ARID1B: variants seen among roughly 807,000 people sequenced by gnomAD.
The protein encoded by ARID1B is AT-rich interactive domain-containing protein 1B.
Under a neutral mutation model 212.3 loss-of-function variants are expected in ARID1B, and 30 were observed. The observed-to-expected ratio is 0.14, with a 90% confidence interval of 0.11 to 0.19. The LOEUF (loss-of-function observed/expected upper bound fraction) is 0.19. ARID1B is among the 10% of genes least tolerant of loss of function. The pLI is 1.00. For synonymous variants in ARID1B, 1,402 were observed against 1,301.7 expected, an observed-to-expected ratio of 1.08 and a Z score of -1.66; for missense variants, 2,891 against 3,204.0, an observed-to-expected ratio of 0.90 and a Z score of 2.36.
chr6:156,969,309 T>C (rs1346937297), intron 4 of ARID1B, among the ~76,000 whole-genome samples: 1 of 152,158 alleles, frequency 6.6e-6, no homozygotes, highest in African/African-American at 2.4e-5. Context: ...TCAAAATCAG[T>C]CTGTTAGTCT....
intron 7 of ARID1B, among the ~76,000 whole-genome samples, chr6:157,137,467 TTGTA>T (rs1417828699): frequency 6.6e-6 from 1 of 152,146 alleles, no homozygotes; most frequent in African/African-American, 2.4e-5. Flanking sequence ...ATAAGTGAGT[TTGTA>T]TGGGAAAAAG....
intron 1 of ARID1B, among the ~76,000 whole-genome samples, chr6:156,803,897 TTGC>T (rs1780967777): frequency 2.0e-5 from 3 of 152,240 alleles, no homozygotes; most frequent in Admixed American, 1.3e-4. Flanking sequence ...ATTTACGTGG[TTGC>T]TAAGAGAGCT....
intron 4 of ARID1B, among the ~76,000 whole-genome samples, chr6:156,992,693 G>A (rs149744566): frequency 4.0e-4 from 61 of 152,288 alleles, no homozygotes; most frequent in African/African-American, 1.2e-3. Flanking sequence ...CAGAGCAGCC[G>A]TGGCCTGTTT....
At chr6:157,074,109 A>C (rs1025447742) in intron 4 of ARID1B, among the ~76,000 whole-genome samples, 8 of 152,206 alleles carry the variant, frequency 5.3e-5, no homozygotes, top group Non-Finnish European at 1.0e-4. Context: ...CAAAAAGAAA[A>C]CTTGAACATT....
chr6:156,960,392 C>T (rs144363587), intron 4 of ARID1B, among the ~76,000 whole-genome samples: 1,744 of 152,054 alleles, frequency 0.011, 14 homozygotes, highest in Admixed American at 0.031. Flanking sequence ...GAATTATTGT[C>T]CTTAAAATAA....
At chr6:157,024,065 C>T (rs1046014456) in intron 4 of ARID1B, 6 of 152,206 alleles carry the variant, frequency 3.9e-5, no homozygotes, top group Non-Finnish European at 8.8e-5. Context: ...ATTTATCTGC[C>T]TGTGCAGAGA....
In ARID1B at chr6:157,174,809, C is replaced by T. The variant is rs937297933; in HGVS notation, c.3346-38C>T. On this transcript the variant is annotated intron_variant, in intron 10 of 19. Transcript: ENST00000636930. ...GTTATTTTAAATAAAGTTTGCCCTA[C>T]CTTTGTCATTTTTTTTTTTTTTATT... The T allele has an allele frequency of 2.8e-6, 4 of 1,444,656 alleles. No homozygotes were observed. In the African/African-American group the frequency reaches 4.5e-5, roughly 16 times the overall value. 89.5% of individuals were successfully genotyped at this position (1,444,656 alleles called of 1,614,324 possible).
intron 3 of ARID1B, among the ~76,000 whole-genome samples, chr6:156,927,559 T>C (rs1022310207): frequency 2.0e-4 from 30 of 152,224 alleles, no homozygotes; most frequent in African/African-American, 6.8e-4. Context: ...TCTGCAGTCT[T>C]AATTTCCAGT....
At chr6:157,015,790 A>G (rs1215290519) in intron 4 of ARID1B, among the ~76,000 whole-genome samples, 1 of 152,140 alleles carries the variant, frequency 6.6e-6, no homozygotes, top group African/African-American at 2.4e-5. Flanking sequence ...CGATAGTAAA[A>G]TTGTAGATGT....
intron 2 of ARID1B, among the ~76,000 whole-genome samples, chr6:156,897,321 T>C (rs182048524): frequency 6.8e-6 from 1 of 147,246 alleles, no homozygotes; most frequent in East Asian, 2.0e-4. Context: ...TCGCCCAGGC[T>C]GGAGTGCACT....
chr6:157,089,449 C>A (rs914536166), intron 5 of ARID1B, among the ~76,000 whole-genome samples: 5 of 152,296 alleles, frequency 3.3e-5, no homozygotes, highest in Non-Finnish European at 7.4e-5. Flanking sequence ...ACATCCCTAA[C>A]TCAGCTGGGC....
intron 3 of ARID1B, among the ~76,000 whole-genome samples, chr6:156,930,934 T>G (rs1791643548): frequency 6.6e-6 from 1 of 152,184 alleles, no homozygotes. Flanking sequence ...CTTATGCCTG[T>G]AATCCCAGCA....
chr6:156,976,583 A>G (rs569174722), intron 4 of ARID1B, among the ~76,000 whole-genome samples: 1 of 152,304 alleles, frequency 6.6e-6, no homozygotes, highest in African/African-American at 2.4e-5. Context: ...GGGAGAGGGT[A>G]ACACAGGGAT....
intron 5 of ARID1B, among the ~76,000 whole-genome samples, chr6:157,091,731 A>C (rs1429781081): frequency 1.3e-5 from 2 of 152,190 alleles, no homozygotes; most frequent in East Asian, 3.9e-4. Context: ...AGCCCATCCT[A>C]AGTAAATAAA....
chr6:156,860,789 T>G (rs890549316), intron 2 of ARID1B, among the ~76,000 whole-genome samples: 1 of 152,250 alleles, frequency 6.6e-6, no homozygotes, highest in Non-Finnish European at 1.5e-5. Flanking sequence ...TTTTCATAAT[T>G]AGGACATAGA....
intron 2 of ARID1B, among the ~76,000 whole-genome samples, chr6:156,887,733 A>G (rs1440539381): frequency 3.9e-5 from 6 of 152,016 alleles, no homozygotes; most frequent in African/African-American, 1.2e-4. Flanking sequence ...CAACCGCATA[A>G]TCTCACCTCA....
intron 1 of ARID1B, among the ~76,000 whole-genome samples, chr6:156,784,614 A>G (rs1032020007): frequency 6.6e-6 from 1 of 152,196 alleles, no homozygotes; most frequent in African/African-American, 2.4e-5. Context: ...CATATACTAT[A>G]TAGTTTTAAT....
chr6:156,869,485 T>C (rs1300486481), intron 2 of ARID1B, among the ~76,000 whole-genome samples: 1 of 152,240 alleles, frequency 6.6e-6, no homozygotes, highest in Non-Finnish European at 1.5e-5. Context: ...AATTTCACAC[T>C]GAGATTAATG....
At chr6:157,018,603 A>T (rs933609785) in intron 4 of ARID1B, among the ~76,000 whole-genome samples, 1 of 152,224 alleles carries the variant, frequency 6.6e-6, no homozygotes, top group Non-Finnish European at 1.5e-5. Context: ...TTCAGGTCTC[A>T]GCCTTACTCT....
Sources: allele counts gnomAD v4.1 joint callset (sites outside exome capture counted in the v4.1 genomes callset), GRCh38; gene constraint gnomAD v4.1.1; transcripts MANE v1.5; gene names NCBI Gene and HGNC (gene_info 2026-07-23, HGNC 2026-07-21).